GRB2: variants seen among roughly 807,000 people sequenced by gnomAD.
GRB2 encodes growth factor receptor-bound protein 2.
In GRB2, 2 loss-of-function variants were observed where a neutral mutation model predicts 27.4. The ratio of observed to expected loss-of-function variants is 0.07; its 90% confidence interval spans 0.03 to 0.23. GRB2 has a LOEUF of 0.23. Ranked by LOEUF, GRB2 falls within the 10% of genes least tolerant of loss-of-function variation. The pLI is 1.00. For missense variants in GRB2, 102 were observed against 282.4 expected, an observed-to-expected ratio of 0.36 and a Z score of 4.58; for synonymous variants, 94 against 99.6, an observed-to-expected ratio of 0.94 and a Z score of 0.33.
intron 2 of GRB2, among the ~76,000 whole-genome samples, chr17:75,359,240 C>T (rs1422580742): frequency 6.7e-6 from 1 of 149,354 alleles, no homozygotes; most frequent in African/African-American, 2.5e-5. Flanking sequence ...TAGCTGATGG[C>T]TCATACATGT....
intron 2 of GRB2, among the ~76,000 whole-genome samples, chr17:75,369,724 G>A (rs961771994): frequency 6.6e-6 from 1 of 151,736 alleles, no homozygotes; most frequent in Admixed American, 6.6e-5. Context: ...CCGGGTGTGG[G>A]GGTGCATGCC....
At chr17:75,379,029 ACTT>A (rs2078911501) in intron 2 of GRB2, among the ~76,000 whole-genome samples, 1 of 152,200 alleles carries the variant, frequency 6.6e-6, no homozygotes, top group African/African-American at 2.4e-5. Flanking sequence ...AAAGAGGTAC[ACTT>A]TAACAGAAAT....
chr17:75,362,712 C>T (rs2078792199), intron 2 of GRB2, among the ~76,000 whole-genome samples: 1 of 152,132 alleles, frequency 6.6e-6, no homozygotes, highest in Non-Finnish European at 1.5e-5. Flanking sequence ...TGCTCCCACC[C>T]ACAATATCAT....
chr17:75,394,816 T>TA (rs1388450668), intron 1 of GRB2: 4 of 152,196 alleles, frequency 2.6e-5, no homozygotes, highest in Admixed American at 2.6e-4. Context: ...ATTTTGCAGG[T>TA]AAAAGATTCT....
chr17:75,339,821 G>A (rs1212183040), intron 2 of GRB2, among the ~76,000 whole-genome samples: 1 of 152,052 alleles, frequency 6.6e-6, no homozygotes, highest in Admixed American at 6.6e-5. Context: ...TAGAGATGGA[G>A]TTTCGCCATG....
chr17:75,369,796 G>C (rs1388979619), intron 2 of GRB2, among the ~76,000 whole-genome samples: 2 of 151,408 alleles, frequency 1.3e-5, no homozygotes, highest in African/African-American at 4.9e-5. Context: ...AGAGGCAGAG[G>C]CTGCAGTGAG....
At chr17:75,376,664 G>C (rs2078896016) in intron 2 of GRB2, among the ~76,000 whole-genome samples, 1 of 152,090 alleles carries the variant, frequency 6.6e-6, no homozygotes, top group African/African-American at 2.4e-5. Context: ...ACTCTGGTAT[G>C]AGGAGGAGTA....
intron 5 of GRB2, among the ~76,000 whole-genome samples, 171 bp downstream of exon 5, chr17:75,321,488 C>T (rs944378433): frequency 6.6e-6 from 1 of 152,030 alleles, no homozygotes; most frequent in African/African-American, 2.4e-5. Context: ...GAAAAAAGAA[C>T]TCTTTAGTGT....
intron 2 of GRB2, among the ~76,000 whole-genome samples, chr17:75,339,467 A>C (rs2078605748): frequency 6.6e-6 from 1 of 151,740 alleles, no homozygotes; most frequent in Admixed American, 6.6e-5. Flanking sequence ...GTTTATGTTT[A>C]CTTCAAAATA....
intron 2 of GRB2, among the ~76,000 whole-genome samples, chr17:75,357,550 T>C (rs2078741253): frequency 6.6e-6 from 1 of 152,346 alleles, no homozygotes; most frequent in East Asian, 1.9e-4. Flanking sequence ...GTCAGGTCAT[T>C]TGGCTTAAAA....
chr17:75,367,048 A>C (rs2078824445), intron 2 of GRB2, among the ~76,000 whole-genome samples: 1 of 152,188 alleles, frequency 6.6e-6, no homozygotes, highest in Non-Finnish European at 1.5e-5. Context: ...CAAATCTATC[A>C]TTTATAGGGC....
chr17:75,376,253 G>A (rs1400585409), intron 2 of GRB2, among the ~76,000 whole-genome samples: 1 of 144,688 alleles, frequency 6.9e-6, no homozygotes. Context: ...GCTGAGGCAG[G>A]AGAATTGCTT....
chr17:75,403,590 C>T (rs1362417643), intron 1 of GRB2, among the ~76,000 whole-genome samples: 1 of 151,980 alleles, frequency 6.6e-6, no homozygotes, highest in African/African-American at 2.4e-5. Context: ...CATGGTGAAA[C>T]TCTGTCTTTA....
intron 2 of GRB2, among the ~76,000 whole-genome samples, chr17:75,364,131 A>C (rs1480703128): frequency 1.3e-5 from 2 of 152,146 alleles, no homozygotes; most frequent in East Asian, 3.9e-4. Context: ...TGTTCCAAAA[A>C]ATATTCTATC....
chr17:75,325,445 C>T (rs2078492295), intron 4 of GRB2, among the ~76,000 whole-genome samples: 1 of 152,178 alleles, frequency 6.6e-6, no homozygotes, highest in Admixed American at 6.5e-5. Context: ...AACTTTCCAC[C>T]GGGGAAATGC....
intron 2 of GRB2, among the ~76,000 whole-genome samples, chr17:75,352,797 C>T (rs1398602828): frequency 6.6e-6 from 1 of 151,796 alleles, no homozygotes; most frequent in Non-Finnish European, 1.5e-5. Flanking sequence ...TGACTAGCAC[C>T]AAAATTTCCA....
chr17:75,359,800 T>G (rs1041755935), intron 2 of GRB2, among the ~76,000 whole-genome samples: 2 of 152,194 alleles, frequency 1.3e-5, no homozygotes, highest in African/African-American at 4.8e-5. Flanking sequence ...TTCCCACCAC[T>G]GAACCATGTA....
intron 2 of GRB2, among the ~76,000 whole-genome samples, chr17:75,361,702 G>C (rs2078782933): frequency 6.6e-6 from 1 of 151,940 alleles, no homozygotes; most frequent in Non-Finnish European, 1.5e-5. Flanking sequence ...CACCAAACTA[G>C]GGGGAAAAAG....
intron 2 of GRB2, among the ~76,000 whole-genome samples, chr17:75,345,907 G>A (rs1421621223): frequency 6.6e-6 from 1 of 152,160 alleles, no homozygotes; most frequent in Non-Finnish European, 1.5e-5. Flanking sequence ...TCTCCTGTGG[G>A]TGGTCTGGCA....
Sources: gnomAD v4.1 joint callset for allele counts (sites outside exome capture counted in the v4.1 genomes callset) on GRCh38, gnomAD v4.1.1 for gene constraint, MANE v1.5 for transcripts, NCBI Gene and HGNC (gene_info 2026-07-23, HGNC 2026-07-21) for gene names.